TCEA1: variants seen among roughly 807,000 people sequenced by gnomAD.
TCEA1 encodes transcription elongation factor A protein 1.
TCEA1 carries 21 observed loss-of-function variants against 43.8 expected under a neutral mutation model. That is an observed-to-expected ratio of 0.48 (90% confidence interval 0.34 to 0.69). The LOEUF is 0.69. TCEA1 is among the 30% of genes least tolerant of loss of function. The pLI is 0.01. For missense variants in TCEA1, 250 were observed against 365.1 expected, an observed-to-expected ratio of 0.68 and a Z score of 2.57; for synonymous variants, 104 against 117.5, an observed-to-expected ratio of 0.88 and a Z score of 0.75.
intron 2 of TCEA1, 111 bp from the exon 3 acceptor site, chr8:54,000,161 A>G: frequency 1.4e-6 from 1 of 710,836 alleles, no homozygotes. Context: ...TAGAATTTCA[A>G]AACTTCAATT....
At chr8:54,003,468 G>C (rs779446513) in intron 2 of TCEA1, among the ~76,000 whole-genome samples, 8 of 152,166 alleles carry the variant, frequency 5.3e-5, no homozygotes, top group African/African-American at 1.2e-4. Context: ...TAGTAACCAA[G>C]ATAGCATAGT....
intron 7 of TCEA1, among the ~76,000 whole-genome samples, chr8:53,980,187 T>C (rs1393023978): frequency 6.6e-6 from 1 of 152,212 alleles, no homozygotes; most frequent in Non-Finnish European, 1.5e-5. Flanking sequence ...TAGTTTCTAA[T>C]AGCATTGCCT....
rs755316603 is a variant in TCEA1 at position 53,984,522 on chromosome 8, C to G, written c.524-5G>C. The G allele has an allele frequency of 1.4e-5, 21 of 1,550,220 alleles. No homozygotes were observed. The highest frequency in any genetic ancestry group is 1.8e-5 in the Non-Finnish European group (21 of 1,152,934). Reference sequence around the variant, plus strand: ...TCCTTATTTCTTGATATATAGGTACCAGGCCGTTAAGGAAAAAAGGCAAAA... The same window carrying G: ...TCCTTATTTCTTGATATATAGGTACGAGGCCGTTAAGGAAAAAAGGCAAAA... On this transcript the variant is annotated splice_region_variant and splice_polypyrimidine_tract_variant and intron_variant, in intron 6 of 9. Coordinates refer to ENST00000521604, the MANE Select transcript of TCEA1 (RefSeq NM_006756.4).
chr8:53,974,674 A>T lies in TCEA1; in HGVS notation c.826-4211T>A, dbSNP rs559871871. On this transcript the variant is annotated intron_variant, in intron 8 of 9. Transcript: ENST00000521604. ...TCCTAAGTAGCTAGGATTACAGGCA[A>T]GCGCCAACACGCCTGCCTAATTTTT... Among the ~76,000 whole-genome samples the T allele has an allele frequency of 4.1e-3, 619 of 152,044 alleles. 4 individuals are homozygous for T. Among genetic ancestry groups the T allele is most frequent in the African/African-American group, 0.014 (590 of 41,474 alleles).
chr8:53,984,327 T>C, intron 7 of TCEA1, 36 bp downstream of exon 7: 2 of 1,552,334 alleles, frequency 1.3e-6, no homozygotes, highest in Non-Finnish European at 1.7e-6. Context: ...CAACACAGAA[T>C]CACATTATAG....
chr8:54,018,040 C>A (rs1804893692), intron 1 of TCEA1, among the ~76,000 whole-genome samples: 1 of 152,190 alleles, frequency 6.6e-6, no homozygotes, highest in African/African-American at 2.4e-5. Context: ...AATTCTATTT[C>A]TCGATAAAGC....
chr8:54,017,322 G>C (rs572432650), intron 1 of TCEA1, among the ~76,000 whole-genome samples: 1 of 152,288 alleles, frequency 6.6e-6, no homozygotes, highest in East Asian at 1.9e-4. Flanking sequence ...ATTCACCTGA[G>C]AATTTTCTTT....
intron 1 of TCEA1, chr8:54,021,377 T>G (rs149336626): frequency 6.6e-6 from 1 of 152,028 alleles, no homozygotes; most frequent in Admixed American, 6.6e-5. Flanking sequence ...ACTTAGAAAA[T>G]ACCCAACAAT....
At chr8:54,011,745 G>A (rs1804658657) in intron 1 of TCEA1, among the ~76,000 whole-genome samples, 1 of 152,150 alleles carries the variant, frequency 6.6e-6, no homozygotes. Context: ...ATAAAATCAA[G>A]TAAAGGCTTC....
intron 4 of TCEA1, among the ~76,000 whole-genome samples, chr8:53,992,007 A>C (rs180757631): frequency 5.3e-5 from 8 of 152,226 alleles, no homozygotes; most frequent in Non-Finnish European, 1.0e-4. Context: ...TAGTTGCCTT[A>C]ATGTCCTAAA....
At position 53,993,736 on chromosome 8, in the gene TCEA1, T is replaced by C. The variant is rs368324026; in HGVS notation, c.252A>G (p.Lys84=). Reference sequence around the variant, plus strand: ...GTTCTTTCTTCTTTTCGTCAAGGTCTTTCTCAGTTGATGGCCCATCTGAAA... The same window carrying C: ...GTTCTTTCTTCTTTTCGTCAAGGTCCTTCTCAGTTGATGGCCCATCTGAAA... The part of the protein sequence containing the change: ...KKLLDGPSTE[K]DLDEKKKEPA... The change falls in exon 4 of 10, where the codon AAA becomes AAG. Residue 84 remains lysine, a synonymous_variant. Coordinates refer to ENST00000521604, the MANE Select transcript of TCEA1 (RefSeq NM_006756.4). 3.7e-6 allele frequency: 6 copies of C among 1,613,464 alleles called. No individual in the cohort carries two copies. Among genetic ancestry groups the C allele is most frequent in the Non-Finnish European group, 5.1e-6 (6 of 1,179,726 alleles).
chr8:53,996,090 A>G (rs138952593), intron 3 of TCEA1, among the ~76,000 whole-genome samples: 16 of 152,382 alleles, frequency 1.0e-4, no homozygotes, highest in South Asian at 2.1e-4. Context: ...GAAAACTGAT[A>G]TAACAATGAA....
intron 2 of TCEA1, chr8:54,003,109 T>A (rs563598466): frequency 2.0e-5 from 9 of 456,282 alleles, no homozygotes; most frequent in South Asian, 1.4e-4. Context: ...GTAAAAAACA[T>A]ATAGCTACTG....
rs1295796187 is a variant in TCEA1 at position 54,002,066 on chromosome 8, G to A, written c.127-2016C>T. Among the ~76,000 whole-genome samples, 4 of 152,048 alleles carry A rather than the reference G, an allele frequency of 2.6e-5. No individual in the cohort carries two copies. The East Asian group carries it at 7.7e-4, about 29-fold the overall frequency. On this transcript the variant is annotated intron_variant, in intron 2 of 9. Coordinates refer to ENST00000521604, the MANE Select transcript of TCEA1 (RefSeq NM_006756.4). ...CGCCTGTAGTCCCAGCTACTCGGGA[G>A]GCTGAGACAGAAGAATCACTTGAAC...
intron 1 of TCEA1, among the ~76,000 whole-genome samples, chr8:54,011,448 A>G (rs1055762361): frequency 3.3e-5 from 5 of 152,208 alleles, no homozygotes; most frequent in African/African-American, 1.2e-4. Context: ...AGAGAAAGAA[A>G]TCCTCTCTCA....
intron 1 of TCEA1, among the ~76,000 whole-genome samples, chr8:54,019,085 T>C (rs967237575): frequency 6.6e-6 from 1 of 152,214 alleles, no homozygotes; most frequent in Admixed American, 6.5e-5. Flanking sequence ...GGGTAAGTAT[T>C]TAGCAGAATA....
intron 3 of TCEA1, 87 bp from the exon 4 acceptor site, chr8:53,993,842 G>C: frequency 9.7e-7 from 1 of 1,032,000 alleles, no homozygotes; most frequent in African/African-American, 1.6e-5. Context: ...TGCACAACAT[G>C]AACTAAAATC....
At chr8:53,981,280 T>C (rs1034292793) in intron 7 of TCEA1, among the ~76,000 whole-genome samples, 1 of 152,226 alleles carries the variant, frequency 6.6e-6, no homozygotes, top group African/African-American at 2.4e-5. Flanking sequence ...ATTTTCAATG[T>C]TGATGAATAT....
intron 2 of TCEA1, chr8:54,002,986 T>A (rs1262500172): frequency 8.8e-6 from 4 of 456,138 alleles, no homozygotes; most frequent in South Asian, 6.2e-5. Context: ...CAAGAGACAC[T>A]GTTAACATCA....
Sources: allele counts gnomAD v4.1 joint callset (sites outside exome capture counted in the v4.1 genomes callset), GRCh38; gene constraint gnomAD v4.1.1; transcripts MANE v1.5; gene names NCBI Gene and HGNC (gene_info 2026-07-23, HGNC 2026-07-21).